The following GGACT variants were observed in gnomAD, a reference collection of about 807,000 sequenced individuals.
The protein encoded by GGACT is gamma-glutamylamine cyclotransferase, also known as gamma-glutamylaminecyclotransferase.
For synonymous variants in GGACT, 118 were observed against 115.3 expected, an observed-to-expected ratio of 1.02 and a Z score of -0.15; for missense variants, 241 against 233.2, an observed-to-expected ratio of 1.03 and a Z score of -0.22.
In GGACT at chr13:100,545,948, G is replaced by A. The variant is rs1265759542; in HGVS notation, c.-10-13347C>T. Among the ~76,000 whole-genome samples the A allele has an allele frequency of 1.3e-5, 2 of 152,210 alleles. No homozygotes were observed. The highest frequency in any genetic ancestry group is 2.4e-5 in the African/African-American group (1 of 41,446). ...ACAGAAAGCCAGGGCAACCTGCTGG[G>A]CCACCCAGAGTGCCTTTCCCCCTCT... On this transcript the variant is annotated intron_variant, in intron 2 of 2. Transcript: ENST00000683975. This position sits in a 1 kb window ranked among gnomAD's most constrained non-coding sequence, Gnocchi z 4.4.
Position 100,531,886 on chromosome 13 carries a change from C to T in GGACT, c.*244G>A. On this transcript the variant is annotated 3_prime_UTR_variant, in exon 3 of 3. Transcript: ENST00000683975. ...AAGAATTAGGCATAACACGAGTTCTCTAAATGTCATTTAGGGGAGTTAAAA... is the reference window on the plus strand; with the variant it reads ...AAGAATTAGGCATAACACGAGTTCTTTAAATGTCATTTAGGGGAGTTAAAA... The T allele has an allele frequency of 2.4e-6, 1 of 411,534 alleles. No individual in the cohort carries two copies. Among genetic ancestry groups the T allele is most frequent in the Admixed American group, 3.9e-5 (1 of 25,458 alleles). 25.5% of individuals were successfully genotyped at this position (411,534 alleles called of 1,614,324 possible).
Position 100,532,084 on chromosome 13 carries a change from T to C in GGACT, c.*46A>G. 7.3e-7 allele frequency: 1 copy of C among 1,362,508 alleles called. No homozygotes were observed. Among genetic ancestry groups the C allele is most frequent in the Non-Finnish European group, 9.7e-7 (1 of 1,035,612 alleles). The allele number at this position is 1,362,508 out of a possible 1,614,324, so 84.4% of individuals were successfully genotyped here. A position where few individuals can be genotyped will look rare whatever the true frequency, so the allele number is the denominator to read the frequency against. On this transcript the variant is annotated 3_prime_UTR_variant, in exon 3 of 3. Transcript: ENST00000683975. ...CACCCAGCATGGGCTGGGCGCATCT[T>C]GGAGCCCCAGGGCTCTCAAACCTAG... is the stretch of plus-strand genomic sequence containing the variant.
chr13:100,587,170 C>T (rs1056332622), intron 1 of GGACT: 7 of 152,252 alleles, frequency 4.6e-5, no homozygotes, highest in Admixed American at 2.0e-4. Flanking sequence ...GGCCCTGGCT[C>T]GAGGTGGATA....
chr13:100,551,007 G>A (rs1054067771), intron 2 of GGACT, among the ~76,000 whole-genome samples: 1 of 152,266 alleles, frequency 6.6e-6, no homozygotes, highest in South Asian at 2.1e-4. Flanking sequence ...CAACAAGGCC[G>A]GGCGCGGTGG....
chr13:100,568,476 T>G (rs756074865), intron 2 of GGACT, among the ~76,000 whole-genome samples: 6 of 152,250 alleles, frequency 3.9e-5, no homozygotes, highest in Admixed American at 6.5e-5. Flanking sequence ...TTGTGAGAAC[T>G]AACTCACTAT....
chr13:100,571,552 A>G (rs1432997415), intron 2 of GGACT, among the ~76,000 whole-genome samples: 1 of 152,134 alleles, frequency 6.6e-6, no homozygotes, highest in East Asian at 1.9e-4. Context: ...GCCTCAAGCA[A>G]TCCTGCCACT....
At chr13:100,553,816 C>CGT in intron 2 of GGACT, among the ~76,000 whole-genome samples, 1 of 118,952 alleles carries the variant, frequency 8.4e-6, no homozygotes, top group South Asian at 2.9e-4. Flanking sequence ...TGCACTCCAG[C>CGT]GGGGGTGACG....
At chr13:100,551,975 T>G (rs1025828609) in intron 2 of GGACT, among the ~76,000 whole-genome samples, 22 of 152,190 alleles carry the variant, frequency 1.4e-4, no homozygotes, top group Admixed American at 3.9e-4. Flanking sequence ...CTGGCTGGGG[T>G]AGCTCCCTGT....
chr13:100,563,362 T>C, intron 2 of GGACT, among the ~76,000 whole-genome samples: 1 of 152,122 alleles, frequency 6.6e-6, no homozygotes. Flanking sequence ...GAGGTTTCTT[T>C]CTTTTGGGGT....
At chr13:100,546,751 C>A (rs150749676) in intron 2 of GGACT, among the ~76,000 whole-genome samples, 1 of 152,212 alleles carries the variant, frequency 6.6e-6, no homozygotes, top group African/African-American at 2.4e-5. Flanking sequence ...TGCCAAGTTG[C>A]GAGGCTGAGC....
chr13:100,545,738 T>C lies in GGACT; in HGVS notation c.-10-13137A>G, dbSNP rs2088598638. 6.6e-6 allele frequency among the ~76,000 whole-genome samples: 1 copy of C among 152,206 alleles called. No homozygotes were observed. Among genetic ancestry groups the C allele is most frequent in the Admixed American group, 6.5e-5 (1 of 15,288 alleles). On this transcript the variant is annotated intron_variant, in intron 2 of 2. Coordinates refer to ENST00000683975, the MANE Select transcript of GGACT (RefSeq NM_001195087.2). The surrounding 1 kb of genome is among the most constrained non-coding windows in gnomAD (Gnocchi z 4.4). Reference sequence around the variant, plus strand: ...AGAGCCCAGGAGTGTGGGATCGTGGTAGACCCAGGGTGTGGGGCTTTCTGG... The same window carrying C: ...AGAGCCCAGGAGTGTGGGATCGTGGCAGACCCAGGGTGTGGGGCTTTCTGG...
At chr13:100,559,648 C>G (rs553526944) in intron 2 of GGACT, among the ~76,000 whole-genome samples, 84 of 151,870 alleles carry the variant, frequency 5.5e-4, no homozygotes, top group Non-Finnish European at 1.1e-3. Context: ...GTGTGTGCCA[C>G]CACACCTGGC....
Position 100,545,483 on chromosome 13 carries a change from A to C in GGACT, c.-10-12882T>G, listed in dbSNP as rs1465272902. Among the ~76,000 whole-genome samples, 1 of 152,130 alleles carries C rather than the reference A, an allele frequency of 6.6e-6. No individual in the cohort carries two copies. Among genetic ancestry groups the C allele is most frequent in the South Asian group, 2.1e-4 (1 of 4,826 alleles). ...AAGCACTCCAGGGCCCCAGGCAGCC[A>C]GTGGCCTGGGCTGCCCTCATACCAG... On this transcript the variant is annotated intron_variant, in intron 2 of 2. Coordinates refer to ENST00000683975, the MANE Select transcript of GGACT (RefSeq NM_001195087.2). This position sits in a 1 kb window ranked among gnomAD's most constrained non-coding sequence, Gnocchi z 4.4.
At position 100,534,466 on chromosome 13, in the gene GGACT, C is replaced by T. The variant is rs889706529; in HGVS notation, c.-10-1865G>A. ...GCTCAGGCCTAAAATTGCCAGGACT[C>T]GGCTGCTGGGGTGTACGTGAAAATG... On this transcript the variant is annotated intron_variant, in intron 2 of 2. Coordinates refer to ENST00000683975, the MANE Select transcript of GGACT (RefSeq NM_001195087.2). This position sits in a 1 kb window ranked among gnomAD's most constrained non-coding sequence, Gnocchi z 4.9. Among the ~76,000 whole-genome samples, 14 of 151,662 alleles carry T rather than the reference C, an allele frequency of 9.2e-5. No individual in the cohort carries two copies. The highest frequency in any genetic ancestry group is 3.2e-3 in the Middle Eastern group (1 of 316).
intron 2 of GGACT, among the ~76,000 whole-genome samples, chr13:100,552,010 TGGCTCTACA>T (rs2088669040): frequency 6.6e-6 from 1 of 152,200 alleles, no homozygotes; most frequent in Non-Finnish European, 1.5e-5. Flanking sequence ...CAGACCATGC[TGGCTCTACA>T]GCCACCCGCA....
At chr13:100,587,595 GAA>G (rs1255405389) in intron 1 of GGACT, among the ~76,000 whole-genome samples, 2 of 152,230 alleles carry the variant, frequency 1.3e-5, no homozygotes, top group Non-Finnish European at 2.9e-5. Flanking sequence ...TGAGGCCAGG[GAA>G]AAGTCTTCAC....
intron 2 of GGACT, among the ~76,000 whole-genome samples, chr13:100,572,044 T>A (rs1282567705): frequency 6.6e-6 from 1 of 152,230 alleles, no homozygotes; most frequent in South Asian, 2.1e-4. Flanking sequence ...GAAAAACCTG[T>A]ATAAGCCCTT....
intron 2 of GGACT, among the ~76,000 whole-genome samples, chr13:100,558,525 G>A (rs1321157149): frequency 1.3e-5 from 2 of 152,206 alleles, no homozygotes; most frequent in Non-Finnish European, 2.9e-5. Context: ...TAGAGTAACT[G>A]AAATGCTCAT....
At chr13:100,553,567 C>T (rs965143800) in intron 2 of GGACT, among the ~76,000 whole-genome samples, 5 of 152,066 alleles carry the variant, frequency 3.3e-5, no homozygotes, top group African/African-American at 1.2e-4. Context: ...AGTAGCAGGC[C>T]GGGCATGGTG....
Sources: allele counts gnomAD v4.1 joint callset (sites outside exome capture counted in the v4.1 genomes callset), GRCh38; gene constraint gnomAD v4.1.1; non-coding constraint Gnocchi (gnomAD v3.1); transcripts MANE v1.5; gene names NCBI Gene and HGNC (gene_info 2026-07-23, HGNC 2026-07-21).